The following RNF150 variants were observed in gnomAD, a reference collection of about 807,000 sequenced individuals.
RNF150 encodes the protein ring finger protein 150.
A neutral mutation model predicts 39.3 loss-of-function variants in RNF150; 24 were observed. That is an observed-to-expected ratio of 0.61 (90% confidence interval 0.44 to 0.86). The LOEUF (loss-of-function observed/expected upper bound fraction) is 0.86. Ranked by LOEUF, RNF150 falls within the 40% of genes least tolerant of loss-of-function variation. RNF150 has a pLI of 0.00. For missense variants in RNF150, 502 were observed against 587.8 expected (o/e 0.85, Z 1.51); for synonymous variants, 255 against 227.3 (o/e 1.12, Z -1.10).
At chr4:141,080,702 T>G (rs72933005) in intron 1 of RNF150, among the ~76,000 whole-genome samples, 16,990 of 152,218 alleles carry the variant, frequency 0.11, 1,175 homozygotes, top group East Asian at 0.23. Flanking sequence ...GGGGAAAATG[T>G]GTCAGCTGTC....
chr4:140,941,320 C>T (rs185195277), intron 4 of RNF150, among the ~76,000 whole-genome samples: 1 of 152,184 alleles, frequency 6.6e-6, no homozygotes, highest in Non-Finnish European at 1.5e-5. Context: ...CCGAATGAGA[C>T]ACAACGGCAA....
chr4:141,152,769 A>T (rs1727322526), intron 1 of RNF150, among the ~76,000 whole-genome samples: 1 of 152,232 alleles, frequency 6.6e-6, no homozygotes, highest in Non-Finnish European at 1.5e-5. Flanking sequence ...TTCACTTTAC[A>T]CACATATGTA....
chr4:140,919,957 A>G (rs1388763980), intron 5 of RNF150, among the ~76,000 whole-genome samples: 2 of 152,312 alleles, frequency 1.3e-5, no homozygotes, highest in East Asian at 3.9e-4. Context: ...TATTTAATAA[A>G]TGGTGCTGGG....
chr4:140,915,323 T>G (rs986781541), intron 5 of RNF150, among the ~76,000 whole-genome samples: 7 of 152,240 alleles, frequency 4.6e-5, no homozygotes, highest in Non-Finnish European at 1.0e-4. Context: ...AGCAAGTATT[T>G]TCTAATTGAG....
upstream of RNF150, among the ~76,000 whole-genome samples, chr4:141,135,334 C>G (rs1372454247): frequency 6.6e-6 from 1 of 152,192 alleles, no homozygotes. Flanking sequence ...TTCTAAATAG[C>G]ATCCTCCACG....
At chr4:141,038,733 A>G (rs144307565) in intron 1 of RNF150, among the ~76,000 whole-genome samples, 5 of 152,278 alleles carry the variant, frequency 3.3e-5, no homozygotes, top group Non-Finnish European at 5.9e-5. Flanking sequence ...TGGCAACAAG[A>G]ACAGAATTAC....
chr4:140,954,264 A>G (rs1245826568), intron 2 of RNF150, among the ~76,000 whole-genome samples: 1 of 152,002 alleles, frequency 6.6e-6, no homozygotes, highest in Admixed American at 6.6e-5. Flanking sequence ...CCCAGGCTGG[A>G]GTGCAATGGC....
intron 1 of RNF150, among the ~76,000 whole-genome samples, chr4:140,989,785 TATTA>T (rs1200749660): frequency 6.6e-6 from 1 of 152,124 alleles, no homozygotes; most frequent in African/African-American, 2.4e-5. Flanking sequence ...CTTAAGGACT[TATTA>T]ATTATTTACA....
At chr4:141,003,866 G>A (rs188732877) in intron 1 of RNF150, among the ~76,000 whole-genome samples, 54 of 152,132 alleles carry the variant, frequency 3.5e-4, no homozygotes, top group Middle Eastern at 3.4e-3. Flanking sequence ...GTGAGTCTTT[G>A]ACTTGGACCA....
intron 5 of RNF150, among the ~76,000 whole-genome samples, chr4:140,922,123 T>A (rs1389557499): frequency 4.0e-5 from 6 of 151,766 alleles, no homozygotes; most frequent in African/African-American, 7.3e-5. Context: ...GGCCAGGGCA[T>A]TCAGGCAGGA....
intron 1 of RNF150, among the ~76,000 whole-genome samples, chr4:141,017,400 C>T (rs1326334501): frequency 6.6e-6 from 1 of 152,136 alleles, no homozygotes; most frequent in East Asian, 1.9e-4. Flanking sequence ...CACATAGTCC[C>T]CCTTACACAC....
In RNF150 at chr4:140,909,167, T is replaced by C. The variant is rs559393420; in HGVS notation, c.1198+1977A>G. The stretch of plus-strand genomic sequence containing the variant: ...TTGACCTGAGTCAGACATTTAGTCC[T>C]CTGGGGCACAATTTTCTCATGACAA... On this transcript the variant is annotated intron_variant, in intron 6 of 6. Coordinates refer to ENST00000515673, the MANE Select transcript of RNF150 (RefSeq NM_020724.2). Among the ~76,000 whole-genome samples the C allele has an allele frequency of 1.3e-4, 20 of 152,310 alleles. 1 individual carries two copies. The highest frequency in any genetic ancestry group is 1.3e-3 in the Admixed American group (20 of 15,310).
chr4:140,974,254 G>A (rs971986877), intron 1 of RNF150, among the ~76,000 whole-genome samples: 1 of 152,032 alleles, frequency 6.6e-6, no homozygotes, highest in African/African-American at 2.4e-5. Context: ...TTACATAAAC[G>A]GAATCATATG....
At chr4:141,089,980 ATCTT>A (rs1393550365) in intron 1 of RNF150, among the ~76,000 whole-genome samples, 1 of 152,284 alleles carries the variant, frequency 6.6e-6, no homozygotes, top group East Asian at 1.9e-4. Context: ...CTCACGCAAT[ATCTT>A]TCTTCAATAG....
chr4:141,159,987 T>C (rs1247021477), intron 1 of RNF150, among the ~76,000 whole-genome samples: 1 of 152,148 alleles, frequency 6.6e-6, no homozygotes, highest in East Asian at 1.9e-4. Flanking sequence ...GAATCCTTGA[T>C]TCCCAAAGGT....
chr4:141,164,955 C>A (rs568200250), intron 1 of RNF150, among the ~76,000 whole-genome samples: 1 of 152,262 alleles, frequency 6.6e-6, no homozygotes, highest in Admixed American at 6.5e-5. Context: ...ACAATATTAA[C>A]CTTAATGTAA....
At chr4:141,146,762 T>C (rs546182235) in intron 1 of RNF150, among the ~76,000 whole-genome samples, 8 of 152,226 alleles carry the variant, frequency 5.3e-5, no homozygotes, top group African/African-American at 1.7e-4. Context: ...ATCTTGTAGG[T>C]CCTACATCCC....
chr4:141,033,288 A>G (rs1736021887), intron 1 of RNF150, among the ~76,000 whole-genome samples: 1 of 152,186 alleles, frequency 6.6e-6, no homozygotes, highest in African/African-American at 2.4e-5. Context: ...CTTTCTTTAC[A>G]CATTCAAAAG....
In RNF150 at chr4:141,132,462, T is replaced by A. The variant is rs1421926065; in HGVS notation, c.347A>T (p.Asn116Ile). 1.2e-6 allele frequency: 2 copies of A among 1,610,534 alleles called. No individual in the cohort carries two copies. Among genetic ancestry groups the A allele is most frequent in the East Asian group, 4.5e-5 (2 of 44,714 alleles). Residue 116 changes from asparagine to isoleucine, a missense_variant, in exon 1 of 7, where the codon AAC (asparagine) becomes ATC (isoleucine). Coordinates refer to ENST00000515673, the MANE Select transcript of RNF150 (RefSeq NM_020724.2). The surrounding 1 kb of genome is among the most constrained non-coding windows in gnomAD (Gnocchi z 4.9). The stretch of plus-strand genomic sequence containing the variant: ...GCCCTTGGGGATGAGGGCTATCCAG[T>A]TCTTGCCGCGGGTCGGGGCGGCGAA... Reference protein sequence around the residue: ...TKFAAPTRGKNWIALIPKGNC... With the variant: ...TKFAAPTRGKIWIALIPKGNC...
Sources: gnomAD v4.1 joint callset for allele counts (sites outside exome capture counted in the v4.1 genomes callset) on GRCh38, gnomAD v4.1.1 for gene constraint, Gnocchi (gnomAD v3.1) non-coding constraint, MANE v1.5 for transcripts, NCBI Gene and HGNC (gene_info 2026-07-23, HGNC 2026-07-21) for gene names.